TTK: variants seen among roughly 807,000 people sequenced by gnomAD.
TTK encodes TTK protein kinase.
In TTK, 59 loss-of-function variants were observed where a neutral mutation model predicts 117.3. The ratio of observed to expected loss-of-function variants is 0.50; its 90% confidence interval spans 0.41 to 0.62. TTK has a LOEUF of 0.62. Ranked by LOEUF, TTK falls within the 20% of genes least tolerant of loss-of-function variation. The pLI is 0.00. For synonymous variants in TTK, 302 were observed against 325.0 expected, an observed-to-expected ratio of 0.93 and a Z score of 0.76; for missense variants, 921 against 989.4, an observed-to-expected ratio of 0.93 and a Z score of 0.93.
chr6:80,037,717 G>A (rs1056740813), intron 17 of TTK: 29 of 180,666 alleles, frequency 1.6e-4, no homozygotes, highest in East Asian at 1.3e-4. Flanking sequence ...AACCCAACTC[G>A]TTTTGCTGCA....
chr6:80,023,322 G>A (rs1322883774), intron 11 of TTK, among the ~76,000 whole-genome samples: 1 of 152,360 alleles, frequency 6.6e-6, no homozygotes, highest in East Asian at 1.9e-4. Flanking sequence ...GGCTGGGCAC[G>A]ATGGCTCACG....
chr6:80,011,106 A>C, intron 5 of TTK, 149 bp downstream of exon 5: 1 of 1,083,536 alleles, frequency 9.2e-7, no homozygotes, highest in Non-Finnish European at 1.2e-6. Context: ...GAAGTAAAAA[A>C]GTCTCTACAA....
intron 20 of TTK, 96 bp downstream of exon 20, chr6:80,040,376 C>G (rs2295841): frequency 0.34 from 370,254 of 1,087,076 alleles, 66,880 homozygotes; most frequent in East Asian, 0.63. Context: ...AATTGGCTAC[C>G]CTTTGTCAGC....
intron 18 of TTK, among the ~76,000 whole-genome samples, chr6:80,039,339 A>G (rs1184249723): frequency 1.3e-5 from 2 of 151,740 alleles, no homozygotes; most frequent in African/African-American, 4.8e-5. Flanking sequence ...AACTGTATAC[A>G]TACTTTGTAC....
intron 10 of TTK, among the ~76,000 whole-genome samples, chr6:80,015,021 T>C (rs1057163613): frequency 3.3e-5 from 5 of 152,100 alleles, no homozygotes; most frequent in African/African-American, 1.2e-4. Context: ...CACAGAGATA[T>C]ATAAATGCAA....
chr6:80,042,111 A>T lies in TTK; in HGVS notation c.2491-8A>T. 6.5e-7 allele frequency: 1 copy of T among 1,540,866 alleles called. No individual in the cohort carries two copies. The highest frequency in any genetic ancestry group is 1.9e-4 in the Middle Eastern group (1 of 5,252). ...ATTGCAAAACAGATTTGTGTTTTTT[A>T]ATTTCAGACTTTATATGAACACTAT... On this transcript the variant is annotated splice_polypyrimidine_tract_variant and splice_region_variant and intron_variant, in intron 21 of 21. Transcript: ENST00000369798.
Position 80,027,617 on chromosome 6 carries a change from C to T in TTK, c.1395-268C>T, listed in dbSNP as rs117220417. Among the ~76,000 whole-genome samples the T allele has an allele frequency of 9.3e-3, 1,408 of 152,160 alleles. 47 individuals carry two copies. The highest frequency in any genetic ancestry group is 0.073 in the Admixed American group (1,115 of 15,282). On this transcript the variant is annotated intron_variant, in intron 12 of 21. Coordinates refer to ENST00000369798, the MANE Select transcript of TTK (RefSeq NM_003318.5). ...TGTTTGCTAAATTCATATAAAATAACCCTAACCACTTTGTATTTTAAATGC... is the reference window on the plus strand; with the variant it reads ...TGTTTGCTAAATTCATATAAAATAATCCTAACCACTTTGTATTTTAAATGC...
rs118111708 is a variant in TTK at position 80,038,719 on chromosome 6, G to A, written c.2130+672G>A. Among the ~76,000 whole-genome samples the A allele has an allele frequency of 4.5e-4, 68 of 152,068 alleles. No individual in the cohort carries two copies. The East Asian group carries it at 0.013, about 28-fold the overall frequency. ...CTTGTAAGTGTTTTTCAAATAACTG[G>A]CATACAATTTTGCCAAATGTTTTCA... On this transcript the variant is annotated intron_variant, in intron 18 of 21. Transcript: ENST00000369798.
intron 10 of TTK, among the ~76,000 whole-genome samples, chr6:80,017,602 TAA>T (rs1025114221): frequency 3.9e-5 from 6 of 152,288 alleles, no homozygotes; most frequent in African/African-American, 1.4e-4. Context: ...GTAGCTGCAC[TAA>T]GTCTTGATAT....
chr6:80,035,446 G>A, intron 16 of TTK, 29 bp downstream of exon 16: 2 of 1,555,542 alleles, frequency 1.3e-6, no homozygotes, highest in Non-Finnish European at 1.7e-6. Flanking sequence ...ATATTTGTAA[G>A]GTTAAAATCT....
chr6:80,015,680 GA>G (rs1562014426), intron 10 of TTK, among the ~76,000 whole-genome samples: 1 of 152,146 alleles, frequency 6.6e-6, no homozygotes, highest in Admixed American at 6.5e-5. Flanking sequence ...GTATGATTGA[GA>G]AAATCATCTT....
intron 2 of TTK, chr6:80,006,283 A>T: frequency 3.2e-6 from 1 of 313,714 alleles, no homozygotes; most frequent in South Asian, 3.2e-5. Flanking sequence ...CTGATTCTTT[A>T]CTGTATTTCA....
At chr6:80,033,016 A>G (rs1767799631) in intron 14 of TTK, among the ~76,000 whole-genome samples, 1 of 152,156 alleles carries the variant, frequency 6.6e-6, no homozygotes, top group Non-Finnish European at 1.5e-5. Context: ...TGAAATGTAT[A>G]ATATCCAATT....
chr6:80,040,848 G>A, intron 21 of TTK, 145 bp downstream of exon 21: 1 of 652,040 alleles, frequency 1.5e-6, no homozygotes, highest in Non-Finnish European at 2.6e-6. Flanking sequence ...CTTAACATGT[G>A]CATTTTGACA....
Position 80,007,991 on chromosome 6 carries a change from AGT to A in TTK, c.323_324del (p.Ser108IlefsTer3). On this transcript the variant is annotated frameshift_variant, in exon 3 of 22. Transcript: ENST00000369798. LOFTEE classifies it high-confidence loss of function. Reference sequence around the variant, plus strand: ...CCCAGATAAATATGGCCAAAATGAGAGTTTTGCTAGAATTCAAGTGAGATTTG... The same window carrying A: ...CCCAGATAAATATGGCCAAAATGAGATTTGCTAGAATTCAAGTGAGATTTG... Reference protein sequence around the residue: ...LPPDKYGQNESFARIQVRFAE... With the variant: ...LPPDKYGQNEXFARIQVRFAE... 1.3e-6 allele frequency: 2 copies of A among 1,591,574 alleles called. No homozygotes were observed. The highest frequency in any genetic ancestry group is 1.7e-6 in the Non-Finnish European group (2 of 1,159,984).
rs146861597 is a variant in TTK, at chr6:80,029,329, T to C, written c.1521+1318T>C. ...TTAAAGTGGTAAATTTTGCATTATG[T>C]ATAATTTGCACAGTTTGAAAGAATA... On this transcript the variant is annotated intron_variant, in intron 13 of 21. Coordinates refer to ENST00000369798, the MANE Select transcript of TTK (RefSeq NM_003318.5). Among the ~76,000 whole-genome samples, 229 of 152,324 alleles carry C rather than the reference T, an allele frequency of 1.5e-3. 1 individual carries two copies. Among genetic ancestry groups the C allele is most frequent in the African/African-American group, 5.1e-3 (211 of 41,570 alleles).
rs532972814 is a variant in TTK at position 80,035,479 on chromosome 6, G to A, written c.1924+62G>A. The A allele has an allele frequency of 1.4e-5, 20 of 1,460,744 alleles. No individual in the cohort carries two copies. The South Asian group carries it at 2.5e-4, about 18-fold the overall frequency. The allele number at this position is 1,460,744 out of a possible 1,614,324, so 90.5% of individuals were successfully genotyped here. A position where few individuals can be genotyped will look rare whatever the true frequency, so the allele number is the denominator to read the frequency against. On this transcript the variant is annotated intron_variant, in intron 16 of 21. Coordinates refer to ENST00000369798, the MANE Select transcript of TTK (RefSeq NM_003318.5). ...TCTTTGTTAATAGTGTCATCTTAGA[G>A]AAATATACCTATAATTTTAGGGCAT...
intron 16 of TTK, among the ~76,000 whole-genome samples, chr6:80,035,710 C>G (rs958868880): frequency 6.6e-6 from 1 of 152,092 alleles, no homozygotes. Flanking sequence ...TATAGCAGGT[C>G]TAAGACTTTG....
chr6:80,028,815 C>T (rs2127679111), intron 13 of TTK, among the ~76,000 whole-genome samples: 1 of 152,220 alleles, frequency 6.6e-6, no homozygotes, highest in South Asian at 2.1e-4. Flanking sequence ...TTTCTAGTAA[C>T]TGTCCTAGAG....
Sources: gnomAD v4.1 joint callset for allele counts (sites outside exome capture counted in the v4.1 genomes callset) on GRCh38, gnomAD v4.1.1 for gene constraint, MANE v1.5 for transcripts, NCBI Gene and HGNC (gene_info 2026-07-23, HGNC 2026-07-21) for gene names.